FOXP1: variants seen among roughly 807,000 people sequenced by gnomAD.
FOXP1 encodes forkhead box protein P1.
Under a neutral mutation model 98.2 loss-of-function variants are expected in FOXP1, and 15 were observed. The observed-to-expected ratio is 0.15, with a 90% CI of 0.10 to 0.24. The LOEUF (loss-of-function observed/expected upper bound fraction) is 0.24, where lower values mean the gene tolerates loss of function less well. Among genes scored for constraint, FOXP1 ranks in the 10% least tolerant of loss-of-function variants. The probability of loss-of-function intolerance (pLI) is 1.00; values close to 1 mark genes in which losing one functional copy is unlikely to be tolerated. For synonymous variants in FOXP1, 371 were observed against 314.5 expected (o/e 1.18, Z -1.90); for missense variants, 633 against 848.5 (o/e 0.75, Z 3.15).
At chr3:71,291,042 C>G (rs1344231404) in intron 5 of FOXP1, among the ~76,000 whole-genome samples, 3 of 152,194 alleles carry the variant, frequency 2.0e-5, no homozygotes, top group African/African-American at 7.2e-5. Context: ...CCTATTTACA[C>G]AGCAACCCTT....
At chr3:71,579,632 C>CTTTTTTTTTTTTTTTTTTTTTTTTTTCT (rs35646548) in intron 2 of FOXP1, among the ~76,000 whole-genome samples, 4 of 122,998 alleles carry the variant, frequency 3.3e-5, no homozygotes, top group Admixed American at 8.6e-5. Flanking sequence ...TTTCTTTTTT[C>CTTTTTTTTTTTTTTTTTTTTTTTTTTCT]TTTTTTTTTT....
chr3:71,136,479 T>G (rs11719587), intron 6 of FOXP1, among the ~76,000 whole-genome samples: 2 of 152,302 alleles, frequency 1.3e-5, no homozygotes, highest in Non-Finnish European at 2.9e-5. Flanking sequence ...CACATTAATA[T>G]ACCATGGTGC....
rs56318177 is a variant in FOXP1, at chr3:71,085,735, C to CTTTTTT, written c.282+26795_282+26800dup. On this transcript the variant is annotated intron_variant, in intron 7 of 20. Transcript: ENST00000649528. ...TTGTATGGTGGGTATCATTTATGGC[C>CTTTTTT]TTTTTTTTTTTTTTACATGGAGTCT... Among the ~76,000 whole-genome samples, 35 of 37,036 alleles carry CTTTTTT rather than the reference C, an allele frequency of 9.5e-4. 12 individuals carry two copies. Among genetic ancestry groups the CTTTTTT allele is most frequent in the East Asian group, 7.1e-3 (9 of 1,276 alleles). The allele number at this position is 37,036 out of a possible 152,430, so 24.3% of individuals were successfully genotyped here.
At chr3:71,047,709 T>G (rs2049221864) in intron 9 of FOXP1, among the ~76,000 whole-genome samples, 1 of 152,228 alleles carries the variant, frequency 6.6e-6, no homozygotes, top group African/African-American at 2.4e-5. Context: ...AACATCGTAC[T>G]CGACTGTGAG....
chr3:71,154,485 T>C (rs2060724825), intron 6 of FOXP1, among the ~76,000 whole-genome samples: 2 of 152,226 alleles, frequency 1.3e-5, no homozygotes, highest in African/African-American at 2.4e-5. Flanking sequence ...ATCTCACATA[T>C]ACACTGTCAA....
chr3:71,414,911 A>C (rs1484219999), intron 3 of FOXP1, among the ~76,000 whole-genome samples: 3 of 152,248 alleles, frequency 2.0e-5, no homozygotes, highest in African/African-American at 7.2e-5. Flanking sequence ...CTGGCTTCAC[A>C]TTAATAATCC....
chr3:71,411,281 G>A (rs1259847703), intron 3 of FOXP1, among the ~76,000 whole-genome samples: 1 of 31,770 alleles, frequency 3.1e-5, no homozygotes, highest in Non-Finnish European at 1.0e-4. Flanking sequence ...GAATGGGCGT[G>A]TGTGTGTGTG....
In FOXP1 at chr3:71,046,429, C is replaced by G. The variant is rs187180018; in HGVS notation, c.664+513G>C. 2.6e-5 allele frequency among the ~76,000 whole-genome samples: 4 copies of G among 152,100 alleles called. No homozygotes were observed. The East Asian group carries it at 7.7e-4, about 29-fold the overall frequency. On this transcript the variant is annotated intron_variant, in intron 10 of 20. Transcript: ENST00000649528. Reference sequence around the variant, plus strand: ...AATGCAAAAAGAAAAAAAAAGGAAACTAAACAAAGTTTTCCTTTTTATAAG... The same window carrying G: ...AATGCAAAAAGAAAAAAAAAGGAAAGTAAACAAAGTTTTCCTTTTTATAAG...
At chr3:71,536,878 TC>T (rs902303027) in intron 2 of FOXP1, among the ~76,000 whole-genome samples, 7 of 152,048 alleles carry the variant, frequency 4.6e-5, no homozygotes, top group Non-Finnish European at 2.9e-5. Context: ...TGTCCCATTT[TC>T]CCCAGTGGCA....
At chr3:71,216,943 C>T (rs1020299668) in intron 5 of FOXP1, among the ~76,000 whole-genome samples, 1 of 152,088 alleles carries the variant, frequency 6.6e-6, no homozygotes, top group Non-Finnish European at 1.5e-5. Context: ...GGGATGCTGT[C>T]GGACATCCTA....
chr3:71,402,412 G>A (rs1022177199), intron 3 of FOXP1, among the ~76,000 whole-genome samples: 6 of 152,242 alleles, frequency 3.9e-5, no homozygotes, highest in African/African-American at 4.8e-5. Context: ...CCATGTTTGC[G>A]CCACTGCACT....
intron 19 of FOXP1, 132 bp from the exon 20 acceptor site, chr3:70,966,188 A>T: frequency 2.7e-5 from 22 of 824,518 alleles, no homozygotes; most frequent in East Asian, 8.8e-5. Context: ...AGTTTCTAAG[A>T]GGTGTTGAAA....
chr3:71,537,854 G>A (rs2044433010), intron 2 of FOXP1, among the ~76,000 whole-genome samples: 1 of 152,148 alleles, frequency 6.6e-6, no homozygotes, highest in Non-Finnish European at 1.5e-5. Context: ...ATTTTTATAT[G>A]GTTGAAGAAG....
At chr3:71,137,352 C>T (rs921434563) in intron 6 of FOXP1, among the ~76,000 whole-genome samples, 4 of 152,148 alleles carry the variant, frequency 2.6e-5, no homozygotes, top group Admixed American at 2.0e-4. Context: ...CCTCGCCAGC[C>T]CAGCCAAGGC....
chr3:71,308,791 GTGTGTGTGTGT>G (rs2074476881), intron 4 of FOXP1, among the ~76,000 whole-genome samples: 1 of 150,840 alleles, frequency 6.6e-6, no homozygotes, highest in African/African-American at 2.4e-5. Context: ...GTGTGTGTGT[GTGTGTGTGTGT>G]GTGTGGGTGA....
At chr3:71,178,404 G>A (rs922962359) in intron 6 of FOXP1, among the ~76,000 whole-genome samples, 2 of 151,978 alleles carry the variant, frequency 1.3e-5, no homozygotes, top group African/African-American at 4.8e-5. Flanking sequence ...AAAGTGCTGG[G>A]ATGAGAGGCG....
intron 7 of FOXP1, among the ~76,000 whole-genome samples, chr3:71,076,191 C>A (rs980929419): frequency 6.6e-6 from 1 of 152,168 alleles, no homozygotes; most frequent in African/African-American, 2.4e-5. Flanking sequence ...GTAGTCCCAG[C>A]CACCCTGGCT....
At chr3:71,556,315 C>T (rs567908621) in intron 2 of FOXP1, among the ~76,000 whole-genome samples, 2 of 152,216 alleles carry the variant, frequency 1.3e-5, no homozygotes, top group African/African-American at 2.4e-5. Context: ...AAAAAGCTCA[C>T]GCCTGTAATC....
chr3:71,569,705 A>G (rs977435934), intron 2 of FOXP1, among the ~76,000 whole-genome samples: 2 of 152,202 alleles, frequency 1.3e-5, no homozygotes, highest in East Asian at 3.8e-4. Context: ...ATCTACATTC[A>G]CAAGTGTATG....
Sources: gnomAD v4.1 joint callset for allele counts (sites outside exome capture counted in the v4.1 genomes callset) on GRCh38, gnomAD v4.1.1 for gene constraint, MANE v1.5 for transcripts, NCBI Gene and HGNC (gene_info 2026-07-23, HGNC 2026-07-21) for gene names.